DNAH14: variants seen among roughly 807,000 people sequenced by gnomAD.
DNAH14 encodes dynein axonemal heavy chain 14.
DNAH14 carries 478 observed loss-of-function variants against 520.9 expected under a neutral mutation model. The observed-to-expected ratio is 0.92, with a 90% CI of 0.85 to 0.99. DNAH14 has a LOEUF of 0.99. Among genes scored for constraint, DNAH14 ranks in the 50% least tolerant of loss-of-function variants. The pLI, the probability that DNAH14 is intolerant of heterozygous loss-of-function variation, is 0.00. For missense variants in DNAH14, 4,831 were observed against 5,234.5 expected (o/e 0.92, Z 2.38); for synonymous variants, 1,581 against 1,757.2 (o/e 0.90, Z 2.51).
chr1:225,327,762 G>T (rs1306561835), intron 64 of DNAH14, among the ~76,000 whole-genome samples: 1 of 151,762 alleles, frequency 6.6e-6, no homozygotes, highest in Non-Finnish European at 1.5e-5. Context: ...AAAAAAAATA[G>T]CGAAAATCAA....
intron 72 of DNAH14, 46 bp downstream of exon 72, chr1:225,351,929 T>C (rs1303754416): frequency 7.0e-7 from 1 of 1,420,972 alleles, no homozygotes; most frequent in East Asian, 2.5e-5. Flanking sequence ...TATGTGTGTA[T>C]GTGTATGGAT....
intron 37 of DNAH14, among the ~76,000 whole-genome samples, chr1:225,188,775 G>A (rs2085059280): frequency 6.6e-6 from 1 of 151,878 alleles, no homozygotes; most frequent in Non-Finnish European, 1.5e-5. Context: ...GATCATTTTG[G>A]TGAATACTAC....
intron 23 of DNAH14, among the ~76,000 whole-genome samples, chr1:225,104,661 G>A (rs1190718092): frequency 6.6e-6 from 1 of 152,152 alleles, no homozygotes; most frequent in Non-Finnish European, 1.5e-5. Flanking sequence ...AGATTTTCTA[G>A]TTTATTTGCA....
At chr1:225,166,966 G>A (rs187850286) in intron 35 of DNAH14, among the ~76,000 whole-genome samples, 13 of 152,246 alleles carry the variant, frequency 8.5e-5, no homozygotes, top group African/African-American at 2.4e-4. Context: ...CCAACCCTAC[G>A]ATCTGTGCAT....
Position 225,396,087 on chromosome 1 carries a change from A to C in DNAH14, c.13492-2433A>C, listed in dbSNP as rs1027215643. 7 of 152,278 alleles carry C rather than the reference A, an allele frequency of 4.6e-5. 1 individual carries two copies. In the East Asian group the frequency reaches 1.4e-3, roughly 29 times the overall value. The allele number at this position is 152,278 out of a possible 1,614,324, so 9.4% of individuals were successfully genotyped here. A position where few individuals can be genotyped will look rare whatever the true frequency, so the allele number is the denominator to read the frequency against. Reference sequence around the variant, plus strand: ...GGGGAAGACACATGCAGTTGATCTAAATTGATGATGATGGTGGCGTGTCCT... The same window carrying C: ...GGGGAAGACACATGCAGTTGATCTACATTGATGATGATGGTGGCGTGTCCT... On this transcript the variant is annotated intron_variant, in intron 84 of 85. Transcript: ENST00000682510.
intron 66 of DNAH14, among the ~76,000 whole-genome samples, chr1:225,335,064 GTA>G (rs898064300): frequency 4.1e-5 from 6 of 147,456 alleles, no homozygotes; most frequent in East Asian, 2.0e-4. Context: ...GTACATATAT[GTA>G]TATATAACGT....
chr1:225,316,678 G>A (rs1041384841), intron 60 of DNAH14, among the ~76,000 whole-genome samples: 1 of 152,094 alleles, frequency 6.6e-6, no homozygotes, highest in African/African-American at 2.4e-5. Context: ...TCCATGGGCT[G>A]CACCCACTGT....
At position 225,042,953 on chromosome 1, in the gene DNAH14, A is replaced by G; in HGVS notation, c.1607A>G (p.Asn536Ser). Residue 536 changes from asparagine (N) to serine (S), a missense_variant, in exon 13 of 86, where the codon AAC (asparagine) becomes AGC (serine). Coordinates refer to ENST00000682510, the MANE Select transcript of DNAH14 (RefSeq NM_001367479.1). The part of the protein sequence containing the change: ...ESDSSENSKE[N>S]FHESDQCPEE... ...GATTCTTCAGAAAATTCTAAAGAGA[A>G]CTTTCATGAGTCTGACCAGTGCCCT... is the stretch of plus-strand genomic sequence containing the variant. 6.4e-7 allele frequency: 1 copy of G among 1,551,934 alleles called. No homozygotes were observed. Among genetic ancestry groups the G allele is most frequent in the Non-Finnish European group, 8.7e-7 (1 of 1,147,046 alleles).
chr1:225,263,343 C>G (rs570383347), intron 46 of DNAH14, among the ~76,000 whole-genome samples: 1 of 151,194 alleles, frequency 6.6e-6, no homozygotes, highest in African/African-American at 2.4e-5. Flanking sequence ...CAAACCTATC[C>G]TTCCTCTAGT....
chr1:224,972,569 G>T (rs891642409), intron 7 of DNAH14, among the ~76,000 whole-genome samples: 1 of 151,028 alleles, frequency 6.6e-6, no homozygotes, highest in African/African-American at 2.4e-5. Flanking sequence ...GGGTTCACAC[G>T]ATTCTCCTGC....
rs11808902 is a variant in DNAH14, at chr1:225,156,224, G to C, written c.5273+2398G>C. ...ATGTTAATTCTCAAATATACTTTCA[G>C]GGTGTTTAAATTAAAATGGAAAGCA... On this transcript the variant is annotated intron_variant, in intron 34 of 85. Coordinates refer to ENST00000682510, the MANE Select transcript of DNAH14 (RefSeq NM_001367479.1). 4.2e-3 allele frequency among the ~76,000 whole-genome samples: 638 copies of C among 152,098 alleles called. 4 individuals are homozygous for C. Among genetic ancestry groups the C allele is most frequent in the African/African-American group, 0.015 (606 of 41,468 alleles).
intron 82 of DNAH14, 21 bp from the exon 83 acceptor site, chr1:225,389,713 C>T (rs1315127009): frequency 1.3e-6 from 2 of 1,551,438 alleles, no homozygotes; most frequent in African/African-American, 2.7e-5. Context: ...AACCCCCAAC[C>T]TGTGGTCTGC....
intron 31 of DNAH14, 152 bp downstream of exon 31, chr1:225,147,401 T>G (rs1426218321): frequency 4.0e-6 from 3 of 743,920 alleles, no homozygotes; most frequent in Non-Finnish European, 1.9e-6. Context: ...GGCAGTTACC[T>G]TGAATGTTTC....
At position 225,207,031 on chromosome 1, in the gene DNAH14, A is replaced by G. The variant is rs1390302195; in HGVS notation, c.6250A>G (p.Ile2084Val). The change falls in exon 41 of 86, where the codon ATA (isoleucine) becomes GTA (valine). Residue 2084 changes from isoleucine (I) to valine (V), a missense_variant. By Grantham distance (29) the Ile-to-Val change is conservative. Transcript: ENST00000682510. ...ATGGCTTCTGAAAACTTCTAAAATTATAAGTCAATCAGGAGTGGATTGTCT... is the reference window on the plus strand; with the variant it reads ...ATGGCTTCTGAAAACTTCTAAAATTGTAAGTCAATCAGGAGTGGATTGTCT... The part of the protein sequence containing the change: ...KSWLLKTSKI[I>V]SQSGVDCLEF... 1.6e-5 allele frequency: 24 copies of G among 1,547,872 alleles called. No individual in the cohort carries two copies. The highest frequency in any genetic ancestry group is 1.8e-5 in the Non-Finnish European group (21 of 1,145,484).
intron 11 of DNAH14, among the ~76,000 whole-genome samples, chr1:225,032,832 G>A (rs2066633614): frequency 6.6e-6 from 1 of 152,130 alleles, no homozygotes; most frequent in Non-Finnish European, 1.5e-5. Flanking sequence ...CTAATGATCA[G>A]TGATATTGAG....
At chr1:225,083,411 A>C (rs1478782013) in intron 20 of DNAH14, among the ~76,000 whole-genome samples, 1 of 152,186 alleles carries the variant, frequency 6.6e-6, no homozygotes, top group Non-Finnish European at 1.5e-5. Context: ...TTTTTTAAAA[A>C]ACAACTTTTG....
At position 225,051,102 on chromosome 1, in the gene DNAH14, C is replaced by T. The variant is rs193035326; in HGVS notation, c.2080-349C>T. Among the ~76,000 whole-genome samples, 586 of 152,266 alleles carry T rather than the reference C, an allele frequency of 3.8e-3. 3 individuals are homozygous for T. The highest frequency in any genetic ancestry group is 0.013 in the African/African-American group (556 of 41,542). ...CCGTGGACTGGCACTGCTCTCTGGC[C>T]TGGGGGTTGAGGACTGGCCTTTTCT... On this transcript the variant is annotated intron_variant, in intron 16 of 85. Transcript: ENST00000682510.
chr1:225,279,971 G>A (rs1362630053), intron 54 of DNAH14, among the ~76,000 whole-genome samples: 3 of 150,962 alleles, frequency 2.0e-5, no homozygotes, highest in Non-Finnish European at 2.9e-5. Context: ...TTCAAATAGA[G>A]AATACCAATA....
rs1399887409 is a variant in DNAH14 at position 225,080,370 on chromosome 1, A to G, written c.2767-9A>G. ...ATTTCTCTTAGAAAGTCCTACTCTT[A>G]TTTTTTAGATAAGAACTCCTCTTCT... On this transcript the variant is annotated splice_polypyrimidine_tract_variant and intron_variant, in intron 18 of 85. Coordinates refer to ENST00000682510, the MANE Select transcript of DNAH14 (RefSeq NM_001367479.1). The G allele has an allele frequency of 4.0e-6, 6 of 1,509,538 alleles. No homozygotes were observed. The highest frequency in any genetic ancestry group is 5.3e-6 in the Non-Finnish European group (6 of 1,129,040). The allele number at this position is 1,509,538 out of a possible 1,614,324, so 93.5% of individuals were successfully genotyped here.
Sources: gnomAD v4.1 joint callset for allele counts (sites outside exome capture counted in the v4.1 genomes callset) on GRCh38, gnomAD v4.1.1 for gene constraint, MANE v1.5 for transcripts, NCBI Gene and HGNC (gene_info 2026-07-23, HGNC 2026-07-21) for gene names.